The following SULF1 variants were observed in gnomAD, a reference collection of about 807,000 sequenced individuals.
SULF1 encodes sulfatase 1.
In SULF1, 46 loss-of-function variants were observed where a neutral mutation model predicts 110.5. The ratio of observed to expected loss-of-function variants is 0.42; its 90% CI spans 0.33 to 0.53. SULF1 has a LOEUF of 0.53. Ranked by LOEUF, SULF1 falls within the 20% of genes least tolerant of loss-of-function variation. SULF1 has a pLI of 0.12. For synonymous variants in SULF1, 371 were observed against 387.1 expected (o/e 0.96, Z 0.49); for missense variants, 941 against 1,094.2 (o/e 0.86, Z 1.98).
At chr8:69,580,887 G>A (rs920204448) in intron 6 of SULF1, among the ~76,000 whole-genome samples, 6 of 151,930 alleles carry the variant, frequency 3.9e-5, no homozygotes, top group Admixed American at 2.6e-4. Context: ...GTCTTTTTAC[G>A]TTACAAAATT....
chr8:69,586,318 A>T (rs745710265), intron 6 of SULF1, 39 bp from the exon 7 acceptor site: 7 of 1,529,040 alleles, frequency 4.6e-6, no homozygotes, highest in East Asian at 2.3e-5. Context: ...ATGATTAATC[A>T]TTTTACGTGA....
chr8:69,600,572 T>C (rs369115614), intron 8 of SULF1, 31 bp from the exon 9 acceptor site: 2 of 1,577,912 alleles, frequency 1.3e-6, no homozygotes, highest in East Asian at 2.2e-5. Flanking sequence ...GTAAGAAATA[T>C]ATAGTAAGAT....
At chr8:69,645,626 G>C (rs1352886940) in intron 22 of SULF1, among the ~76,000 whole-genome samples, 1 of 152,200 alleles carries the variant, frequency 6.6e-6, no homozygotes, top group Admixed American at 6.5e-5. Flanking sequence ...TTTCCAAGGA[G>C]TTGGCATTTA....
intron 3 of SULF1, among the ~76,000 whole-genome samples, chr8:69,543,545 A>G (rs551872460): frequency 6.6e-6 from 1 of 152,318 alleles, no homozygotes; most frequent in South Asian, 2.1e-4. Flanking sequence ...CCTGCAAAGG[A>G]CATGATCTTG....
In SULF1 at chr8:69,646,691, G is replaced by A. The variant is rs144869258; in HGVS notation, c.2585+5850G>A. ...ATAAATGGTGAAATTCAAACCCAGC[G>A]AGTCTGGTTCTAGCTGTGCTGTTCA... On this transcript the variant is annotated intron_variant, in intron 22 of 22. Transcript: ENST00000402687. Among the ~76,000 whole-genome samples, 54 of 152,156 alleles carry A rather than the reference G, an allele frequency of 3.5e-4. No individual in the cohort carries two copies. The East Asian group carries it at 0.01, about 28-fold the overall frequency.
chr8:69,550,260 TCA>T (rs1004378259), intron 3 of SULF1, among the ~76,000 whole-genome samples: 4 of 152,050 alleles, frequency 2.6e-5, no homozygotes, highest in African/African-American at 7.3e-5. Flanking sequence ...TCCCTGAATC[TCA>T]GTTTTCTCAT....
chr8:69,509,928 A>G (rs189658813), intron 3 of SULF1, among the ~76,000 whole-genome samples: 1 of 152,348 alleles, frequency 6.6e-6, no homozygotes, highest in Admixed American at 6.5e-5. Flanking sequence ...TGGTTGTGAA[A>G]ATATTAAGAC....
Position 69,589,020 on chromosome 8 carries a change from A to T in SULF1, c.613A>T (p.Met205Leu). 6.2e-7 allele frequency: 1 copy of T among 1,614,156 alleles called. No individual in the cohort carries two copies. The highest frequency in any genetic ancestry group is 1.3e-5 in the African/African-American group (1 of 75,050). Residue 205 changes from methionine to leucine, a missense_variant, in exon 8 of 23, where the codon ATG (methionine) becomes TTG (leucine). Coordinates refer to ENST00000402687, the MANE Select transcript of SULF1 (RefSeq NM_001128205.2). ...TAACGAGAGCATTAATTACTTCAAA[A>T]TGTCTAAGAGAATGTATCCCCATAG... ...ITNESINYFK[M>L]SKRMYPHRPV...
At chr8:69,522,496 G>A (rs749881323) in intron 3 of SULF1, among the ~76,000 whole-genome samples, 1 of 152,192 alleles carries the variant, frequency 6.6e-6, no homozygotes, top group Non-Finnish European at 1.5e-5. Context: ...AGACCTTCCA[G>A]TGGAAATATC....
chr8:69,498,232 T>C (rs61694450), intron 2 of SULF1, among the ~76,000 whole-genome samples: 4,043 of 152,194 alleles, frequency 0.027, 176 homozygotes, highest in African/African-American at 0.092. Context: ...AAGAAAGGGA[T>C]GCAATGATCC....
At chr8:69,549,245 T>C (rs1194396052) in intron 3 of SULF1, among the ~76,000 whole-genome samples, 15 of 152,212 alleles carry the variant, frequency 9.9e-5, no homozygotes, top group Admixed American at 9.8e-4. Flanking sequence ...CCCTTTTTTT[T>C]GTTGTGAGCT....
chr8:69,609,560 A>G (rs1202271330), intron 13 of SULF1, among the ~76,000 whole-genome samples: 1 of 152,236 alleles, frequency 6.6e-6, no homozygotes, highest in Admixed American at 6.5e-5. Flanking sequence ...GTTGAATGGT[A>G]TCATTTTTCT....
chr8:69,601,858 A>G (rs572640990), intron 10 of SULF1, 29 bp downstream of exon 10: 2 of 1,577,702 alleles, frequency 1.3e-6, no homozygotes, highest in Admixed American at 1.8e-5. Flanking sequence ...GCAACATTCA[A>G]CTGTCGTACC....
chr8:69,634,072 A>C (rs537229887), intron 19 of SULF1, among the ~76,000 whole-genome samples: 1 of 152,202 alleles, frequency 6.6e-6, no homozygotes, highest in African/African-American at 2.4e-5. Context: ...TTTAATGAAA[A>C]GTCGTATAAT....
At chr8:69,478,392 A>G (rs151311984) in intron 1 of SULF1, among the ~76,000 whole-genome samples, 3 of 152,182 alleles carry the variant, frequency 2.0e-5, no homozygotes, top group African/African-American at 7.2e-5. Flanking sequence ...ATAAATGACC[A>G]GCAATTAAGA....
At chr8:69,656,132 A>G (rs947558711) in intron 22 of SULF1, among the ~76,000 whole-genome samples, 2 of 152,154 alleles carry the variant, frequency 1.3e-5, no homozygotes, top group African/African-American at 2.4e-5. Flanking sequence ...CTAGGTTCAT[A>G]TTTGAATTTC....
At chr8:69,540,591 C>T (rs1813790066) in intron 3 of SULF1, among the ~76,000 whole-genome samples, 1 of 152,188 alleles carries the variant, frequency 6.6e-6, no homozygotes, top group African/African-American at 2.4e-5. Context: ...ATCTCCCTGC[C>T]AGGACAGAGA....
intron 13 of SULF1, among the ~76,000 whole-genome samples, chr8:69,608,904 G>A (rs1359969506): frequency 6.6e-6 from 1 of 152,026 alleles, no homozygotes; most frequent in Non-Finnish European, 1.5e-5. Context: ...ACACGTTTAT[G>A]TACAGACACT....
At position 69,660,305 on chromosome 8, in the gene SULF1, C is replaced by T. The variant is rs895503333; in HGVS notation, c.*1770C>T. The T allele has an allele frequency of 2.0e-5, 3 of 152,024 alleles. No individual in the cohort carries two copies. The highest frequency in any genetic ancestry group is 6.6e-5 in the Admixed American group (1 of 15,254). The allele number at this position is 152,024 out of a possible 1,614,324, so 9.4% of individuals were successfully genotyped here. A position where few individuals can be genotyped will look rare whatever the true frequency, so the allele number is the denominator to read the frequency against. ...TGAATGCTCCACAATTTCAACATAC[C>T]ACAAGAGAAGTTAATTTCTTAACAT... On this transcript the variant is annotated 3_prime_UTR_variant, in exon 23 of 23. Transcript: ENST00000402687.
Sources: gnomAD v4.1 joint callset for allele counts (sites outside exome capture counted in the v4.1 genomes callset) on GRCh38, gnomAD v4.1.1 for gene constraint, MANE v1.5 for transcripts, NCBI Gene and HGNC (gene_info 2026-07-23, HGNC 2026-07-21) for gene names.